Variants in FAM234A observed in about 807,000 individuals in gnomAD.
FAM234A encodes the protein protein FAM234A.
A neutral mutation model predicts 49.1 loss-of-function variants in FAM234A; 42 were observed. The observed-to-expected ratio is 0.86, with a 90% confidence interval of 0.67 to 1.11. FAM234A has a LOEUF of 1.11. Among genes scored for constraint, FAM234A ranks in the 50% least tolerant of loss-of-function variants. The pLI, the probability that FAM234A is intolerant of heterozygous loss-of-function variation, is 0.00. For missense variants in FAM234A, 815 were observed against 745.2 expected, an observed-to-expected ratio of 1.09 and a Z score of -1.09; for synonymous variants, 369 against 316.2, an observed-to-expected ratio of 1.17 and a Z score of -1.77.
chr16:269,570 A>G, downstream of FAM234A: 1 of 1,613,176 alleles, frequency 6.2e-7, no homozygotes, highest in Non-Finnish European at 8.5e-7. Context: ...GACTTCAGGA[A>G]CCTTGGGTAG....
downstream of FAM234A, among the ~76,000 whole-genome samples, chr16:266,542 G>A (rs1182676280): frequency 1.3e-5 from 2 of 152,160 alleles, no homozygotes; most frequent in Non-Finnish European, 2.9e-5. Context: ...CGGCAGTGAG[G>A]GGCAGGCAGG....
chr16:268,764 G>A, downstream of FAM234A: 2 of 1,549,152 alleles, frequency 1.3e-6, no homozygotes, highest in Non-Finnish European at 1.7e-6. Flanking sequence ...ACTCTCTTGG[G>A]TCCTCTTCCA....
chr16:246,075 TGTG>T lies in FAM234A; in HGVS notation c.-139-3466_-139-3464del, dbSNP rs202132126. ...AAAATTAGCTGGGTGCGGTGGTGGG[TGTG>T]GTGGTGGGTGCCTATAGTCCCAGCC... On this transcript the variant is annotated intron_variant, in intron 1 of 12. Transcript: ENST00000399932. 6.6e-3 allele frequency among the ~76,000 whole-genome samples: 999 copies of T among 150,986 alleles called. 8 individuals carry two copies. Among genetic ancestry groups the T allele is most frequent in the South Asian group, 0.018 (84 of 4,736 alleles).
At chr16:263,528 T>C (rs2141365209) in intron 9 of FAM234A, 126 bp downstream of exon 9, 1 of 1,395,238 alleles carries the variant, frequency 7.2e-7, no homozygotes, top group Non-Finnish European at 9.8e-7. Context: ...CTGCCCGGGC[T>C]TCTTGCCTGT....
At chr16:253,737 GTACTGGGAT>G (rs1458905716) in intron 2 of FAM234A, 1 of 152,480 alleles carries the variant, frequency 6.6e-6, no homozygotes, top group Non-Finnish European at 1.5e-5. Context: ...GCCTGCCAAA[GTACTGGGAT>G]TACAGGTGTG....
At chr16:240,777 C>G (rs1012246530) in intron 1 of FAM234A, among the ~76,000 whole-genome samples, 1 of 152,140 alleles carries the variant, frequency 6.6e-6, no homozygotes, top group Non-Finnish European at 1.5e-5. Context: ...GCTGAGATTA[C>G]AGTTGTGAGC....
At chr16:240,592 T>C (rs1288953724) in intron 1 of FAM234A, among the ~76,000 whole-genome samples, 3 of 151,682 alleles carry the variant, frequency 2.0e-5, no homozygotes, top group Non-Finnish European at 4.4e-5. Flanking sequence ...AACCTCTGCC[T>C]CCTTGGTTAA....
rs1308515381 is a variant in FAM234A at position 263,346 on chromosome 16, G to A, written c.1056G>A (p.Leu352=). 6.2e-7 allele frequency: 1 copy of A among 1,612,904 alleles called. No homozygotes were observed. Among genetic ancestry groups the A allele is most frequent in the East Asian group, 2.2e-5 (1 of 44,888 alleles). ...VLLVGSEAFV[L]LDGQELTPRW... is the part of the protein sequence containing the mutation. ...TTGTGGGCTCAGAGGCCTTCGTGCT[G>A]CTGGACGGGCAGGAGCTGACGCCTC... Residue 352 remains leucine, a synonymous_variant, in exon 9 of 13, where the codon CTG becomes CTA. Transcript: ENST00000399932.
chr16:254,049 A>G, intron 2 of FAM234A: 1 of 278,552 alleles, frequency 3.6e-6, no homozygotes, highest in Non-Finnish European at 6.9e-6. Context: ...GAGGCTGAGT[A>G]GGTGGGGCTT....
intron 2 of FAM234A, chr16:254,105 A>C: frequency 2.6e-6 from 1 of 383,930 alleles, no homozygotes; most frequent in South Asian, 2.6e-5. Flanking sequence ...TGGGTTCGGC[A>C]GGCAGGAAGC....
At chr16:254,219 C>T in intron 2 of FAM234A, 162 bp from the exon 3 acceptor site, 1 of 666,596 alleles carries the variant, frequency 1.5e-6, no homozygotes, top group Non-Finnish European at 2.6e-6. Flanking sequence ...TCTGTTAAGA[C>T]TGACACCCTA....
At chr16:247,286 C>A (rs1414694005) in intron 1 of FAM234A, among the ~76,000 whole-genome samples, 1 of 151,700 alleles carries the variant, frequency 6.6e-6, no homozygotes, top group Non-Finnish European at 1.5e-5. Context: ...TGTGCCACCA[C>A]ACCGGGCTGA....
intron 1 of FAM234A, among the ~76,000 whole-genome samples, chr16:239,079 C>A (rs1270101512): frequency 7.1e-6 from 1 of 141,724 alleles, no homozygotes; most frequent in African/African-American, 2.7e-5. Context: ...GAGCCTACGT[C>A]TCAAAAATAA....
chr16:235,761 T>C (rs750545348), intron 1 of FAM234A, among the ~76,000 whole-genome samples: 6 of 152,162 alleles, frequency 3.9e-5, no homozygotes, highest in Non-Finnish European at 8.8e-5. Flanking sequence ...GGGATGGTTG[T>C]AGGAGCTAAG....
chr16:263,289 T>C lies in FAM234A; in HGVS notation c.999T>C (p.His333=). The C allele has an allele frequency of 3.1e-6, 5 of 1,613,116 alleles. No homozygotes were observed. Among genetic ancestry groups the C allele is most frequent in the South Asian group, 2.2e-5 (2 of 91,092 alleles). ...CTGGAGCAGTGCGCTACCTGATGCA[T>C]GTCCCAGGGAACGCCGGTGCAGATG... The part of the protein sequence containing the change: ...HSSGAVRYLM[H]VPGNAGADVL... The change falls in exon 9 of 13, where the codon CAT becomes CAC. Residue 333 remains histidine, a synonymous_variant. Transcript: ENST00000399932.
At position 265,528 on chromosome 16, in the gene FAM234A, A is replaced by T; in HGVS notation, c.*506A>T. ...CCCAAGGAGTCATGGAACTCAGGGT[A>T]CTGGGCCTCAACGGGAACCTGAGAC... On this transcript the variant is annotated 3_prime_UTR_variant, in exon 13 of 13. Coordinates refer to ENST00000399932, the MANE Select transcript of FAM234A (RefSeq NM_032039.4). 2.0e-6 allele frequency: 2 copies of T among 986,358 alleles called. No homozygotes were observed. Among genetic ancestry groups the T allele is most frequent in the Non-Finnish European group, 1.2e-6 (1 of 830,642 alleles). The allele number at this position is 986,358 out of a possible 1,614,324, so 61.1% of individuals were successfully genotyped here. A position where few individuals can be genotyped will look rare whatever the true frequency, so the allele number is the denominator to read the frequency against.
chr16:246,113 G>T (rs890767993), intron 1 of FAM234A, among the ~76,000 whole-genome samples: 2 of 151,500 alleles, frequency 1.3e-5, no homozygotes, highest in Admixed American at 1.3e-4. Flanking sequence ...CACTCAGGAG[G>T]CTGAGGCAGG....
At chr16:267,668 TCA>T (rs780187202), downstream of FAM234A, among the ~76,000 whole-genome samples, 488 of 116,800 alleles carry the variant, frequency 4.2e-3, 2 homozygotes, top group Non-Finnish European at 5.9e-3. Flanking sequence ...TATGCATGCC[TCA>T]CAGTACACCT....
At chr16:268,750 C>A, downstream of FAM234A, 3 of 1,545,816 alleles carry the variant, frequency 1.9e-6, no homozygotes, top group Non-Finnish European at 2.6e-6. Context: ...AGCCTCAGCA[C>A]GGCACTCTCT....
Sources: gnomAD v4.1 joint callset for allele counts (sites outside exome capture counted in the v4.1 genomes callset) on GRCh38, gnomAD v4.1.1 for gene constraint, MANE v1.5 for transcripts, NCBI Gene and HGNC (gene_info 2026-07-23, HGNC 2026-07-21) for gene names.